The following TMEM132C variants were observed in gnomAD, a reference collection of about 807,000 sequenced individuals.
TMEM132C encodes the protein protein phosphatase 1, regulatory subunit 152.
Under a neutral mutation model 61.4 loss-of-function variants are expected in TMEM132C, and 29 were observed. The ratio of observed to expected loss-of-function variants is 0.47; its 90% CI spans 0.35 to 0.64. The LOEUF (loss-of-function observed/expected upper bound fraction) is 0.64, where lower values mean the gene tolerates loss of function less well. Ranked by LOEUF, TMEM132C falls within the 30% of genes least tolerant of loss-of-function variation. TMEM132C has a pLI of 0.00. For missense variants in TMEM132C, 1,408 were observed against 1,476.9 expected, an observed-to-expected ratio of 0.95 and a Z score of 0.76; for synonymous variants, 656 against 633.1, an observed-to-expected ratio of 1.04 and a Z score of -0.54.
chr12:128,442,763 C>G lies in TMEM132C; in HGVS notation c.974+27143C>G, dbSNP rs543777113. ...ATAAAATTCACCATTTTAAAGTGACCGCTTCAGTGGCACTTACTGTATTCA... is the reference window on the plus strand; with the variant it reads ...ATAAAATTCACCATTTTAAAGTGACGGCTTCAGTGGCACTTACTGTATTCA... On this transcript the variant is annotated intron_variant, in intron 2 of 8. Transcript: ENST00000435159. Among the ~76,000 whole-genome samples, 5 of 152,086 alleles carry G rather than the reference C, an allele frequency of 3.3e-5. No individual in the cohort carries two copies. In the East Asian group the frequency reaches 9.7e-4, roughly 29 times the overall value.
chr12:128,525,361 T>C (rs1012591421), intron 2 of TMEM132C, among the ~76,000 whole-genome samples: 1 of 150,702 alleles, frequency 6.6e-6, no homozygotes, highest in African/African-American at 2.4e-5. Context: ...TCTCTCTCTC[T>C]CCCTCCTTTG....
intron 3 of TMEM132C, among the ~76,000 whole-genome samples, chr12:128,547,767 G>A (rs910749662): frequency 3.9e-5 from 6 of 152,130 alleles, no homozygotes; most frequent in Non-Finnish European, 5.9e-5. Flanking sequence ...CCATGGAGAG[G>A]CTGTCACACC....
chr12:128,507,136 C>A (rs1872389598), intron 2 of TMEM132C, among the ~76,000 whole-genome samples: 1 of 152,096 alleles, frequency 6.6e-6, no homozygotes, highest in Admixed American at 6.5e-5. Flanking sequence ...TTAAATCAGT[C>A]TGAGTTGGGT....
intron 2 of TMEM132C, among the ~76,000 whole-genome samples, chr12:128,460,719 C>T (rs149406594): frequency 0.012 from 1,832 of 152,298 alleles, 22 homozygotes; most frequent in Middle Eastern, 0.027. Context: ...AGCTGCTTTC[C>T]ATGTGGCCAT....
At chr12:128,334,941 T>C (rs941356933) in intron 1 of TMEM132C, among the ~76,000 whole-genome samples, 21 of 152,376 alleles carry the variant, frequency 1.4e-4, no homozygotes, top group Admixed American at 7.2e-4. Flanking sequence ...TAAATTTTCC[T>C]TTCAATGTTA....
intron 2 of TMEM132C, among the ~76,000 whole-genome samples, chr12:128,537,483 G>C (rs774561563): frequency 6.6e-6 from 1 of 152,310 alleles, no homozygotes; most frequent in African/African-American, 2.4e-5. Flanking sequence ...GAGAGGGTCC[G>C]TTCCATCTGT....
rs1293348167 is a variant in TMEM132C, at chr12:128,482,081, T to A, written c.975-61876T>A. On this transcript the variant is annotated intron_variant, in intron 2 of 8. Transcript: ENST00000435159. ...GAGATACGTTCCATTAATGCCTAGT[T>A]TATTGAGAGTTTTTAGCATGAAGGG... is the stretch of plus-strand genomic sequence containing the variant. Among the ~76,000 whole-genome samples, 4 of 152,172 alleles carry A rather than the reference T, an allele frequency of 2.6e-5. 1 individual carries two copies. The East Asian group carries it at 5.8e-4, about 22-fold the overall frequency.
chr12:128,445,779 T>C (rs1310933140), intron 2 of TMEM132C, among the ~76,000 whole-genome samples: 1 of 152,140 alleles, frequency 6.6e-6, no homozygotes, highest in Non-Finnish European at 1.5e-5. Flanking sequence ...CTGTCCATAA[T>C]AGAGTAAATG....
At chr12:128,347,570 A>T (rs1873207850) in intron 1 of TMEM132C, among the ~76,000 whole-genome samples, 1 of 152,128 alleles carries the variant, frequency 6.6e-6, no homozygotes, top group Non-Finnish European at 1.5e-5. Context: ...CTGGGATAAC[A>T]GGCATGCACC....
intron 2 of TMEM132C, among the ~76,000 whole-genome samples, chr12:128,530,843 G>A (rs74718598): frequency 0.013 from 1,954 of 152,308 alleles, 42 homozygotes; most frequent in African/African-American, 0.043. Context: ...GAAATAATTA[G>A]GAAGTGCTAA....
At chr12:128,601,584 G>A (rs1318607177) in intron 3 of TMEM132C, among the ~76,000 whole-genome samples, 1 of 148,880 alleles carries the variant, frequency 6.7e-6, no homozygotes, top group African/African-American at 2.4e-5. Flanking sequence ...GAATAAGTGA[G>A]CCATGGATGG....
chr12:128,335,567 C>T (rs1872771159), intron 1 of TMEM132C, among the ~76,000 whole-genome samples: 1 of 152,178 alleles, frequency 6.6e-6, no homozygotes, highest in Non-Finnish European at 1.5e-5. Flanking sequence ...GCCTGAATAA[C>T]CTCTTTTGAT....
At chr12:128,566,015 G>A (rs1354795648) in intron 3 of TMEM132C, among the ~76,000 whole-genome samples, 3 of 151,874 alleles carry the variant, frequency 2.0e-5, no homozygotes, top group East Asian at 1.9e-4. Flanking sequence ...TCAGCCTTCC[G>A]AGTAGCTGGG....
chr12:128,342,772 C>A (rs918605118), intron 1 of TMEM132C, among the ~76,000 whole-genome samples: 1 of 152,222 alleles, frequency 6.6e-6, no homozygotes, highest in African/African-American at 2.4e-5. Context: ...CCCGTGGGCC[C>A]CTGGGCCCCT....
chr12:128,496,794 G>A lies in TMEM132C; in HGVS notation c.975-47163G>A, dbSNP rs138074670. Among the ~76,000 whole-genome samples the A allele has an allele frequency of 1.6e-4, 24 of 152,232 alleles. 1 individual carries two copies. The highest frequency in any genetic ancestry group is 3.4e-3 in the Middle Eastern group (1 of 294). ...GGGTTCGAACTTCTTCCTTTAGCTC[G>A]GAGAAGTTTGATTATCTGAAGCCTT... On this transcript the variant is annotated intron_variant, in intron 2 of 8. Transcript: ENST00000435159.
chr12:128,287,515 ATATCTATATC>A (rs1316647568), intron 1 of TMEM132C, among the ~76,000 whole-genome samples: 1 of 150,312 alleles, frequency 6.7e-6, no homozygotes, highest in Non-Finnish European at 1.5e-5. Context: ...ATCTATATCT[ATATCTATATC>A]TATCTGTGTG....
intron 2 of TMEM132C, among the ~76,000 whole-genome samples, chr12:128,487,641 G>A (rs115507186): frequency 0.074 from 11,004 of 148,716 alleles, 498 homozygotes; most frequent in Middle Eastern, 0.11. Flanking sequence ...GCATGCATAT[G>A]TGCATGTATA....
At chr12:128,554,932 T>G (rs1233315921) in intron 3 of TMEM132C, among the ~76,000 whole-genome samples, 1 of 152,180 alleles carries the variant, frequency 6.6e-6, no homozygotes, top group African/African-American at 2.4e-5. Flanking sequence ...TCTGGGCCAG[T>G]GTTCCCCATC....
At chr12:128,686,124 A>G (rs1424156295) in intron 5 of TMEM132C, among the ~76,000 whole-genome samples, 13 of 129,946 alleles carry the variant, frequency 1.0e-4, no homozygotes, top group South Asian at 4.9e-4. Flanking sequence ...GTGTGCATGT[A>G]TGTGTGCATG....
Sources: allele counts gnomAD v4.1 joint callset (sites outside exome capture counted in the v4.1 genomes callset), GRCh38; gene constraint gnomAD v4.1.1; transcripts MANE v1.5; gene names NCBI Gene and HGNC (gene_info 2026-07-23, HGNC 2026-07-21).